The following TEX9 variants were observed in gnomAD, a reference collection of about 807,000 sequenced individuals.
The protein encoded by TEX9 is testis-expressed protein 9.
A neutral mutation model predicts 59.6 loss-of-function variants in TEX9; 74 were observed. The ratio of observed to expected loss-of-function variants is 1.24; its 90% CI spans 1.03 to 1.51. The LOEUF (loss-of-function observed/expected upper bound fraction) is 1.51. Ranked by LOEUF, TEX9 falls within the 40% of genes most tolerant of loss-of-function variation. The pLI is 0.00. For synonymous variants in TEX9, 186 were observed against 152.2 expected, an observed-to-expected ratio of 1.22 and a Z score of -1.64; for missense variants, 522 against 447.8, an observed-to-expected ratio of 1.17 and a Z score of -1.49.
At chr15:56,387,949 A>G (rs1251673318) in intron 4 of TEX9, among the ~76,000 whole-genome samples, 1 of 152,034 alleles carries the variant, frequency 6.6e-6, no homozygotes, top group Non-Finnish European at 1.5e-5. Context: ...GTATTTATTC[A>G]TGCACTCAAC....
intron 9 of TEX9, among the ~76,000 whole-genome samples, chr15:56,410,489 T>G (rs1429425084): frequency 1.3e-5 from 2 of 152,126 alleles, no homozygotes; most frequent in African/African-American, 4.8e-5. Context: ...AAAACTAATG[T>G]GCAACTCAGG....
chr15:56,372,633 G>T (rs2047244750), intron 2 of TEX9, among the ~76,000 whole-genome samples: 1 of 152,118 alleles, frequency 6.6e-6, no homozygotes, highest in Non-Finnish European at 1.5e-5. Context: ...CGTGAAGATA[G>T]ATATTCCTTT....
intron 10 of TEX9, among the ~76,000 whole-genome samples, chr15:56,413,015 T>C (rs2049440366): frequency 6.6e-6 from 1 of 152,068 alleles, no homozygotes; most frequent in Non-Finnish European, 1.5e-5. Context: ...ATGCTTGGCA[T>C]AGAATTAGCA....
intron 10 of TEX9, among the ~76,000 whole-genome samples, chr15:56,419,969 T>G (rs746363684): frequency 1.3e-5 from 2 of 151,760 alleles, no homozygotes; most frequent in Non-Finnish European, 2.9e-5. Flanking sequence ...GTATTCCTTA[T>G]AGAGGCTATA....
At position 56,412,339 on chromosome 15, in the gene TEX9, CA is replaced by C. The variant is rs747690379; in HGVS notation, c.868del (p.Ser290ValfsTer10). 5 of 1,612,950 alleles carry C rather than the reference CA, an allele frequency of 3.1e-6. No individual in the cohort carries two copies. The Admixed American group carries it at 8.3e-5, about 27-fold the overall frequency. On this transcript the variant is annotated frameshift_variant, in exon 10 of 13. Coordinates refer to ENST00000352903, the Ensembl canonical transcript of TEX9. LOFTEE classifies it high-confidence loss of function. ...AAAAGAAGACTGCAAAAACAGGCTG[CA>C]AGTAGTCAAAGTGCCACAGAGGTTC... is the stretch of plus-strand genomic sequence containing the variant.
At chr15:56,352,411 A>T (rs1330000779) in intron 1 of TEX9, among the ~76,000 whole-genome samples, 2 of 145,524 alleles carry the variant, frequency 1.4e-5, no homozygotes, top group Non-Finnish European at 3.0e-5. Flanking sequence ...CGCCCAGCTA[A>T]TTTTTTTTTT....
At chr15:56,441,623 A>G (rs1343590657) in intron 12 of TEX9, among the ~76,000 whole-genome samples, 4 of 152,148 alleles carry the variant, frequency 2.6e-5, no homozygotes, top group South Asian at 2.1e-4. Flanking sequence ...TAAACAGACA[A>G]CCTACAGAAT....
intron 1 of TEX9, among the ~76,000 whole-genome samples, chr15:56,253,671 T>A (rs1254908276): frequency 2.0e-5 from 3 of 152,172 alleles, no homozygotes; most frequent in African/African-American, 7.2e-5. Context: ...CAGTCAGGAA[T>A]TGAGGTATGG....
At chr15:56,258,869 T>C (rs74414317) in intron 1 of TEX9, among the ~76,000 whole-genome samples, 2,054 of 150,748 alleles carry the variant, frequency 0.014, 38 homozygotes, top group African/African-American at 0.039. Flanking sequence ...ATTGTAGATA[T>C]GTTATTTGTT....
intron 10 of TEX9, among the ~76,000 whole-genome samples, chr15:56,419,157 T>C (rs1176360067): frequency 6.6e-6 from 1 of 151,924 alleles, no homozygotes; most frequent in Non-Finnish European, 1.5e-5. Flanking sequence ...CGTTTTTTGA[T>C]GTTATAAATG....
intron 1 of TEX9, among the ~76,000 whole-genome samples, chr15:56,344,420 G>T (rs1312766748): frequency 6.6e-6 from 1 of 152,150 alleles, no homozygotes. Flanking sequence ...AATCACAAAG[G>T]ACTATGTTGT....
At chr15:56,311,256 T>C (rs1301873605) in intron 1 of TEX9, among the ~76,000 whole-genome samples, 1 of 139,184 alleles carries the variant, frequency 7.2e-6, no homozygotes, top group African/African-American at 2.7e-5. Flanking sequence ...ACTCGTCATC[T>C]AGCATTAGGT....
chr15:56,302,529 A>G (rs1227489610), intron 1 of TEX9, among the ~76,000 whole-genome samples: 1 of 152,168 alleles, frequency 6.6e-6, no homozygotes, highest in Admixed American at 6.5e-5. Flanking sequence ...TCAAAAGCAA[A>G]ATAAAACAAA....
intron 12 of TEX9, chr15:56,434,464 T>C (rs2050684577): frequency 3.4e-6 from 5 of 1,457,530 alleles, no homozygotes; most frequent in East Asian, 2.3e-5. Context: ...GAAAGAGTGA[T>C]AGAGTTTGGT....
chr15:56,300,698 A>AGAGAGAGG (rs2045328442), intron 1 of TEX9, among the ~76,000 whole-genome samples: 1 of 60,812 alleles, frequency 1.6e-5, no homozygotes, highest in African/African-American at 5.2e-5. Context: ...AGAGAGAGAG[A>AGAGAGAGG]GAGAGAGAGG....
chr15:56,443,278 C>T, intron 12 of TEX9: 1 of 497,536 alleles, frequency 2.0e-6, no homozygotes, highest in Non-Finnish European at 3.3e-6. Flanking sequence ...TTTTAGCCAG[C>T]TTGAAAATTT....
the TEX9 span, among the ~76,000 whole-genome samples, chr15:56,456,828 C>T: frequency 1.3e-5 from 2 of 151,914 alleles, no homozygotes; most frequent in Admixed American, 6.6e-5. Flanking sequence ...TCTTTTTTCC[C>T]TTATTCTTTT....
intron 1 of TEX9, among the ~76,000 whole-genome samples, chr15:56,343,640 T>C (rs1218716466): frequency 6.6e-6 from 1 of 152,064 alleles, no homozygotes; most frequent in Non-Finnish European, 1.5e-5. Flanking sequence ...ACAATTTAGA[T>C]GAAATGAACT....
chr15:56,250,278 C>T (rs926831760), intron 1 of TEX9, among the ~76,000 whole-genome samples: 1 of 152,156 alleles, frequency 6.6e-6, no homozygotes, highest in African/African-American at 2.4e-5. Context: ...TAGCTAATAA[C>T]TGCTAAGGAA....
Sources: allele counts gnomAD v4.1 joint callset (sites outside exome capture counted in the v4.1 genomes callset), GRCh38; gene constraint gnomAD v4.1.1; transcripts MANE v1.5; gene names NCBI Gene and HGNC (gene_info 2026-07-23, HGNC 2026-07-21).